POLN: variants seen among roughly 807,000 people sequenced by gnomAD.
POLN encodes DNA polymerase N.
Under a neutral mutation model 113.5 loss-of-function variants are expected in POLN, and 108 were observed. The ratio of observed to expected loss-of-function variants is 0.95; its 90% CI spans 0.81 to 1.12. The LOEUF (loss-of-function observed/expected upper bound fraction) is 1.12, where lower values mean the gene tolerates loss of function less well. POLN is among the 50% of genes most tolerant of loss of function. The pLI is 0.00. For missense variants in POLN, 1,097 were observed against 1,077.1 expected (o/e 1.02, Z -0.26); for synonymous variants, 386 against 391.5 (o/e 0.99, Z 0.17).
intron 2 of POLN, among the ~76,000 whole-genome samples, chr4:2,238,260 C>G (rs937384995): frequency 6.6e-6 from 1 of 152,092 alleles, no homozygotes; most frequent in Admixed American, 6.5e-5. Flanking sequence ...CAGTCCCCTG[C>G]CCAGCAACAC....
At chr4:2,105,263 G>A (rs1287631014) in intron 19 of POLN, among the ~76,000 whole-genome samples, 2 of 152,096 alleles carry the variant, frequency 1.3e-5, no homozygotes, top group Non-Finnish European at 2.9e-5. Context: ...GCTGGAGTCT[G>A]GACCTTTTTA....
At chr4:2,124,254 T>C (rs985645626) in intron 19 of POLN, among the ~76,000 whole-genome samples, 6 of 152,104 alleles carry the variant, frequency 3.9e-5, no homozygotes, top group African/African-American at 1.2e-4. Context: ...CGAAATGTTC[T>C]GGAATTAGAT....
intron 8 of POLN, among the ~76,000 whole-genome samples, chr4:2,178,134 C>T (rs1281339516): frequency 6.6e-6 from 1 of 152,236 alleles, no homozygotes; most frequent in African/African-American, 2.4e-5. Flanking sequence ...AGGCAAATAT[C>T]CCCAGCTCAG....
At chr4:2,173,193 G>C (rs570185699) in intron 11 of POLN, among the ~76,000 whole-genome samples, 1 of 152,288 alleles carries the variant, frequency 6.6e-6, no homozygotes, top group South Asian at 2.1e-4. Flanking sequence ...AAAGCACACA[G>C]GACTCTGGAA....
In POLN at chr4:2,240,831, A is replaced by G. The variant is rs1008261450; in HGVS notation, c.-13+689T>C. On this transcript the variant is annotated intron_variant, in intron 2 of 25. Transcript: ENST00000511885. ...CACATTCCCACAAAACCACTTCAGA[A>G]ACGATTCATCTTCAACGCCCTCAAA... The G allele has an allele frequency of 4.3e-6, 7 of 1,613,802 alleles. No homozygotes were observed. The highest frequency in any genetic ancestry group is 5.9e-6 in the Non-Finnish European group (7 of 1,180,004).
At chr4:2,174,347 C>A (rs924211687) in intron 10 of POLN, among the ~76,000 whole-genome samples, 1 of 152,248 alleles carries the variant, frequency 6.6e-6, no homozygotes. Context: ...GAGAGCCCTG[C>A]ATCAGTTCTT....
intron 7 of POLN, among the ~76,000 whole-genome samples, chr4:2,191,016 T>C (rs1432771079): frequency 6.6e-6 from 1 of 152,212 alleles, no homozygotes; most frequent in African/African-American, 2.4e-5. Flanking sequence ...ATCCCACTCC[T>C]GGGTATATAT....
At chr4:2,191,981 C>T (rs1044543956) in intron 7 of POLN, among the ~76,000 whole-genome samples, 3 of 151,868 alleles carry the variant, frequency 2.0e-5, no homozygotes, top group Non-Finnish European at 4.4e-5. Context: ...CTCATGGTGG[C>T]GCACACCTGT....
At chr4:2,190,326 C>T (rs1159170892) in intron 7 of POLN, among the ~76,000 whole-genome samples, 2 of 152,056 alleles carry the variant, frequency 1.3e-5, no homozygotes, top group Non-Finnish European at 2.9e-5. Context: ...GGGAAAATCA[C>T]ATGCAGAAGA....
chr4:2,102,057 C>G (rs999600382), intron 19 of POLN, among the ~76,000 whole-genome samples: 45 of 152,284 alleles, frequency 3.0e-4, no homozygotes, highest in African/African-American at 1.1e-3. Flanking sequence ...ATCACTGGAA[C>G]AGGCCCTAAC....
chr4:2,237,995 C>T (rs1057080460), intron 2 of POLN, among the ~76,000 whole-genome samples: 1 of 152,042 alleles, frequency 6.6e-6, no homozygotes, highest in Non-Finnish European at 1.5e-5. Flanking sequence ...CTATCCAGGC[C>T]CCTCATTTTA....
intron 3 of POLN, among the ~76,000 whole-genome samples, chr4:2,213,922 C>G (rs940144434): frequency 2.0e-5 from 3 of 152,124 alleles, no homozygotes; most frequent in African/African-American, 7.2e-5. Flanking sequence ...AAAATAATTT[C>G]AAAGTACGAA....
At chr4:2,132,622 G>C (rs945286100) in intron 16 of POLN, among the ~76,000 whole-genome samples, 1 of 152,220 alleles carries the variant, frequency 6.6e-6, no homozygotes, top group Non-Finnish European at 1.5e-5. Flanking sequence ...TTTTCATGCT[G>C]AGGAACAGCA....
Position 2,240,358 on chromosome 4 carries a change from G to C in POLN, c.-13+1162C>G, listed in dbSNP as rs917609124. The C allele has an allele frequency of 5.6e-6, 9 of 1,602,134 alleles. No homozygotes were observed. The highest frequency in any genetic ancestry group is 6.8e-6 in the Non-Finnish European group (8 of 1,172,744). ...CTTAGGTATTTTTCCAAGGAAAATT[G>C]CGATAAAAATACCAGTGGATTTGTC... is the stretch of plus-strand genomic sequence containing the variant. On this transcript the variant is annotated intron_variant, in intron 2 of 25. Coordinates refer to ENST00000511885, the MANE Select transcript of POLN (RefSeq NM_181808.4).
chr4:2,114,188 C>A (rs549251990), intron 19 of POLN, among the ~76,000 whole-genome samples: 1 of 151,810 alleles, frequency 6.6e-6, no homozygotes, highest in African/African-American at 2.4e-5. Context: ...CATGAGCCAC[C>A]GTGCCCAGCC....
chr4:2,188,144 AAAC>A (rs1260378312), intron 7 of POLN, among the ~76,000 whole-genome samples: 1 of 151,964 alleles, frequency 6.6e-6, no homozygotes, highest in Non-Finnish European at 1.5e-5. Flanking sequence ...ATAAAAAGGA[AAAC>A]AAAACAAAAG....
At chr4:2,169,647 G>A (rs754560399) in intron 13 of POLN, among the ~76,000 whole-genome samples, 17 of 152,178 alleles carry the variant, frequency 1.1e-4, no homozygotes, top group Non-Finnish European at 2.9e-5. Context: ...TTCTTTTATA[G>A]ATCAGGAAAC....
chr4:2,156,662 C>G, intron 16 of POLN, 126 bp downstream of exon 16: 1 of 752,954 alleles, frequency 1.3e-6, no homozygotes, highest in Non-Finnish European at 2.4e-6. Flanking sequence ...GAATAAAACA[C>G]AACATATCAG....
chr4:2,218,553 T>G (rs146477664), intron 3 of POLN, among the ~76,000 whole-genome samples: 1 of 152,316 alleles, frequency 6.6e-6, no homozygotes, highest in Non-Finnish European at 1.5e-5. Flanking sequence ...CCAGAATATC[T>G]GTGTGCTTAT....
Sources: gnomAD v4.1 joint callset for allele counts (sites outside exome capture counted in the v4.1 genomes callset) on GRCh38, gnomAD v4.1.1 for gene constraint, MANE v1.5 for transcripts, NCBI Gene and HGNC (gene_info 2026-07-23, HGNC 2026-07-21) for gene names.